Variants in CCDC62 observed in about 807,000 individuals in gnomAD.
CCDC62 encodes the protein coiled-coil domain containing 62.
Under a neutral mutation model 80.8 loss-of-function variants are expected in CCDC62, and 72 were observed. The ratio of observed to expected loss-of-function variants is 0.89; its 90% CI spans 0.74 to 1.08. CCDC62 has a LOEUF of 1.08. Among genes scored for constraint, CCDC62 ranks in the 50% least tolerant of loss-of-function variants. CCDC62 has a pLI of 0.00. For missense variants in CCDC62, 704 were observed against 809.4 expected, an observed-to-expected ratio of 0.87 and a Z score of 1.58; for synonymous variants, 286 against 296.5, an observed-to-expected ratio of 0.96 and a Z score of 0.36.
At chr12:122,818,720 C>T (rs753939698) in intron 11 of CCDC62, among the ~76,000 whole-genome samples, 5 of 151,926 alleles carry the variant, frequency 3.3e-5, no homozygotes, top group East Asian at 3.9e-4. Context: ...CCTGGGAGTT[C>T]GAGACCAGCC....
intron 4 of CCDC62, among the ~76,000 whole-genome samples, chr12:122,788,020 A>G (rs1241594583): frequency 1.3e-5 from 2 of 152,178 alleles, no homozygotes; most frequent in Non-Finnish European, 2.9e-5. Context: ...CTATTATTCT[A>G]TAAGTCCTAG....
At chr12:122,802,183 G>C (rs1245231834) in intron 9 of CCDC62, among the ~76,000 whole-genome samples, 1 of 152,078 alleles carries the variant, frequency 6.6e-6, no homozygotes, top group African/African-American at 2.4e-5. Flanking sequence ...GCACAGAGTG[G>C]AACGCCACCC....
chr12:122,815,352 T>TATA (rs2032118199), intron 11 of CCDC62, among the ~76,000 whole-genome samples: 1 of 152,242 alleles, frequency 6.6e-6, no homozygotes, highest in Admixed American at 6.5e-5. Context: ...GTGCTGGGAT[T>TATA]ATAGGCGTGA....
chr12:122,774,595 C>T lies in CCDC62; in HGVS notation c.-76C>T, dbSNP rs1879283592. 6 of 1,141,214 alleles carry T rather than the reference C, an allele frequency of 5.3e-6. No individual in the cohort carries two copies. In the Admixed American group the frequency reaches 2.6e-4, roughly 50 times the overall value. 70.7% of individuals were successfully genotyped at this position (1,141,214 alleles called of 1,614,324 possible). On this transcript the variant is annotated 5_prime_UTR_variant, in exon 1 of 13. Coordinates refer to ENST00000253079, the MANE Select transcript of CCDC62 (RefSeq NM_201435.5). ...GGGCTCCGGGCTCGCCCCCGCCGCT[C>T]GGGGCAGGCGCGCCGATGGCGTTTC...
chr12:122,782,700 C>T (rs796472438), intron 3 of CCDC62, among the ~76,000 whole-genome samples: 4 of 151,968 alleles, frequency 2.6e-5, no homozygotes, highest in Admixed American at 1.3e-4. Context: ...TCAGGTGATC[C>T]GCCCGCCTCA....
intron 6 of CCDC62, 40 bp from the exon 7 acceptor site, chr12:122,797,267 T>A (rs780343750): frequency 3.2e-6 from 3 of 944,358 alleles, no homozygotes; most frequent in South Asian, 1.3e-5. Context: ...TGTGTGGCTA[T>A]AGCTGATGAA....
At chr12:122,802,444 A>G (rs1048438822) in intron 9 of CCDC62, among the ~76,000 whole-genome samples, 6 of 135,904 alleles carry the variant, frequency 4.4e-5, no homozygotes, top group Non-Finnish European at 1.5e-5. Flanking sequence ...GATGGAGTCT[A>G]GCTTTGTCGC....
Position 122,792,129 on chromosome 12 carries a change from A to G in CCDC62, c.772+8A>G, listed in dbSNP as rs761122642. 9.1e-6 allele frequency: 14 copies of G among 1,534,890 alleles called. No individual in the cohort carries two copies. The highest frequency in any genetic ancestry group is 1.3e-5 in the Non-Finnish European group (14 of 1,107,936). ...ATGAATTGCTTTTTACTGGTAAAACAGATGATCGAATGTATTTGTAACCTA... is the reference window on the plus strand; with the variant it reads ...ATGAATTGCTTTTTACTGGTAAAACGGATGATCGAATGTATTTGTAACCTA... On this transcript the variant is annotated splice_region_variant and intron_variant, in intron 6 of 12. Transcript: ENST00000253079.
At chr12:122,805,187 CTTTTTTTTTTTTTTT>C (rs35231650) in intron 9 of CCDC62, among the ~76,000 whole-genome samples, 1 of 64,482 alleles carries the variant, frequency 1.6e-5, no homozygotes, top group Non-Finnish European at 2.8e-5. Context: ...AACTGGCCGG[CTTTTTTTTTTTTTTT>C]TTTTTTTGTG....
At chr12:122,808,634 C>A (rs1284792714) in intron 10 of CCDC62, among the ~76,000 whole-genome samples, 2 of 152,060 alleles carry the variant, frequency 1.3e-5, no homozygotes, top group African/African-American at 4.8e-5. Context: ...TCAAGTAATC[C>A]TCCCACTGCA....
At position 122,801,275 on chromosome 12, in the gene CCDC62, A is replaced by G. The variant is rs1432789628; in HGVS notation, c.1129A>G (p.Lys377Glu). The G allele has an allele frequency of 1.5e-5, 24 of 1,614,172 alleles. No homozygotes were observed. The highest frequency in any genetic ancestry group is 1.9e-5 in the Non-Finnish European group (23 of 1,180,018). ...AGACAAGAGCTCTTGCGATGAATGC[A>G]AAGAGAAGAAACAACAGATCGATAC... ...RSDKSSCDEC[K>E]EKKQQIDTVF... Residue 377 changes from lysine to glutamate, a missense_variant, in exon 9 of 13, where the codon AAA becomes GAA. Lys to Glu is a moderately conservative substitution (Grantham distance 56, BLOSUM62 1). Transcript: ENST00000253079.
chr12:122,822,060 A>AACACAC lies in CCDC62; in HGVS notation c.2002-1281_2002-1276dup, dbSNP rs58108370. Among the ~76,000 whole-genome samples, 635 of 115,818 alleles carry AACACAC rather than the reference A, an allele frequency of 5.5e-3. 7 individuals carry two copies. The highest frequency in any genetic ancestry group is 8.5e-3 in the African/African-American group (262 of 30,890). 76.0% of individuals were successfully genotyped at this position (115,818 alleles called of 152,430 possible). On this transcript the variant is annotated intron_variant, in intron 11 of 12. Coordinates refer to ENST00000253079, the MANE Select transcript of CCDC62 (RefSeq NM_201435.5). ...GGGAGACCCTGTCTCTATAAATTTA[A>AACACAC]ACACACACACACACACACACACACA...
In CCDC62 at chr12:122,823,421, G is replaced by T. The variant is rs1192491964; in HGVS notation, c.*2G>T. ...AAAAATACCTTTGTCAGTTATTGAA[G>T]GAAACAAAAGGCAACTTCAGTATTC... is the stretch of plus-strand genomic sequence containing the variant. On this transcript the variant is annotated 3_prime_UTR_variant, in exon 12 of 13. Coordinates refer to ENST00000253079, the MANE Select transcript of CCDC62 (RefSeq NM_201435.5). The T allele has an allele frequency of 1.2e-6, 2 of 1,608,858 alleles. No individual in the cohort carries two copies. Among genetic ancestry groups the T allele is most frequent in the Non-Finnish European group, 1.7e-6 (2 of 1,175,412 alleles).
In CCDC62 at chr12:122,801,268, T is replaced by G; in HGVS notation, c.1122T>G (p.Asp374Glu). The change falls in exon 9 of 13, where the codon GAT becomes GAG. Residue 374 changes from aspartate to glutamate, a missense_variant. Transcript: ENST00000253079. ...ATAGGTCAGACAAGAGCTCTTGCGATGAATGCAAAGAGAAGAAACAACAGA... is the reference window on the plus strand; with the variant it reads ...ATAGGTCAGACAAGAGCTCTTGCGAGGAATGCAAAGAGAAGAAACAACAGA... The part of the protein sequence containing the change: ...QQNRSDKSSC[D>E]ECKEKKQQID... 6.2e-7 allele frequency: 1 copy of G among 1,614,094 alleles called. No homozygotes were observed. The highest frequency in any genetic ancestry group is 1.1e-5 in the South Asian group (1 of 91,080).
intron 3 of CCDC62, among the ~76,000 whole-genome samples, chr12:122,781,677 C>G (rs1189843200): frequency 1.3e-5 from 2 of 148,856 alleles, no homozygotes; most frequent in Non-Finnish European, 3.0e-5. Context: ...AAGAGCGAAA[C>G]TCTGTCTCAA....
Position 122,785,778 on chromosome 12 carries a change from A to C in CCDC62, c.456A>C (p.Leu152=). 1 of 1,613,916 alleles carries C rather than the reference A, an allele frequency of 6.2e-7. No individual in the cohort carries two copies. The highest frequency in any genetic ancestry group is 8.5e-7 in the Non-Finnish European group (1 of 1,179,760). The change falls in exon 4 of 13, where the codon CTA becomes CTC. Residue 152 remains leucine, a synonymous_variant. Coordinates refer to ENST00000253079, the MANE Select transcript of CCDC62 (RefSeq NM_201435.5). ...AACTTTCTGCCCAGGTAGGACAGCT[A>C]CAAGCTCGAGAACAAGCTCTTACGA... The part of the protein sequence containing the change: ...LVELSAQVGQ[L]QAREQALTTM...
In CCDC62 at chr12:122,801,207, A is replaced by C. The variant is rs2031281790; in HGVS notation, c.1061A>C (p.Lys354Thr). 6.2e-7 allele frequency: 1 copy of C among 1,614,092 alleles called. No homozygotes were observed. Among genetic ancestry groups the C allele is most frequent in the Non-Finnish European group, 8.5e-7 (1 of 1,180,040 alleles). ...GAAAAAAATCAGAAGTCACTGTTTA[A>C]GGACCAGAAATTTGAAGCCATGTTG... Reference protein sequence around the residue: ...KREKNQKSLFKDQKFEAMLVQ... With the variant: ...KREKNQKSLFTDQKFEAMLVQ... Residue 354 changes from lysine to threonine, a missense_variant, in exon 9 of 13, where the codon AAG becomes ACG. Coordinates refer to ENST00000253079, the MANE Select transcript of CCDC62 (RefSeq NM_201435.5).
chr12:122,800,536 T>C (rs1299499285), intron 8 of CCDC62, among the ~76,000 whole-genome samples: 3 of 151,200 alleles, frequency 2.0e-5, no homozygotes, highest in African/African-American at 7.3e-5. Context: ...CAAGCAATTC[T>C]CTTGCCTCAG....
In CCDC62 at chr12:122,777,538, G is replaced by A; in HGVS notation, c.84G>A (p.Lys28=). 1 of 1,614,062 alleles carries A rather than the reference G, an allele frequency of 6.2e-7. No individual in the cohort carries two copies. The highest frequency in any genetic ancestry group is 8.5e-7 in the Non-Finnish European group (1 of 1,179,944). Residue 28 remains lysine (K), a synonymous_variant, in exon 2 of 13, where the codon AAG becomes AAA. Coordinates refer to ENST00000253079, the MANE Select transcript of CCDC62 (RefSeq NM_201435.5). ...TTTCCACTATCGAGAAACAACGGAA[G>A]GAGCTGCAGTTGCTCATTGGAGAAT... The part of the protein sequence containing the change: ...VEISTIEKQR[K]ELQLLIGELK...
Sources: gnomAD v4.1 joint callset for allele counts (sites outside exome capture counted in the v4.1 genomes callset) on GRCh38, gnomAD v4.1.1 for gene constraint, MANE v1.5 for transcripts, NCBI Gene and HGNC (gene_info 2026-07-23, HGNC 2026-07-21) for gene names.